Variants in ACTL8 observed in about 807,000 individuals in gnomAD.
ACTL8 encodes the protein actin-like protein 8.
In ACTL8, 3 loss-of-function variants were observed where a neutral mutation model predicts 9.3. The ratio of observed to expected loss-of-function variants is 0.32; its 90% CI spans 0.15 to 0.83. ACTL8 has a LOEUF of 0.83. Ranked by LOEUF, ACTL8 falls within the 40% of genes least tolerant of loss-of-function variation. The probability of loss-of-function intolerance (pLI) is 0.57; values close to 1 mark genes in which losing one functional copy is unlikely to be tolerated. For synonymous variants in ACTL8, 224 were observed against 205.9 expected (o/e 1.09, Z -0.75); for missense variants, 381 against 492.2 (o/e 0.77, Z 2.14).
intron 1 of ACTL8, among the ~76,000 whole-genome samples, chr1:17,810,437 C>A (rs1376657950): frequency 1.3e-5 from 2 of 152,158 alleles, no homozygotes; most frequent in African/African-American, 4.8e-5. Flanking sequence ...AAAACCACAA[C>A]ATAGTGATCA....
intron 1 of ACTL8, among the ~76,000 whole-genome samples, chr1:17,787,091 A>G (rs1197042901): frequency 6.6e-6 from 1 of 152,230 alleles, no homozygotes; most frequent in East Asian, 1.9e-4. Flanking sequence ...ACCCTCCTTC[A>G]GTGACATCCC....
At chr1:17,798,153 T>C (rs2102691096) in intron 1 of ACTL8, among the ~76,000 whole-genome samples, 1 of 152,254 alleles carries the variant, frequency 6.6e-6, no homozygotes, top group African/African-American at 2.4e-5. Flanking sequence ...GCAGAGGTCA[T>C]ATGGGTCTGC....
chr1:17,825,995 T>C lies in ACTL8; in HGVS notation c.577T>C (p.Cys193Arg). The stretch of plus-strand genomic sequence containing the variant: ...CCTCAAGAGTCTCTTTAAGGAAGAT[T>C]GCGATAGACGCTGCCTGTTTCAGCT... ...YLLKSLFKED[C>R]DRRCLFQLET... Residue 193 changes from cysteine to arginine, a missense_variant, in exon 3 of 3, where the codon TGC (cysteine) becomes CGC (arginine). Cys to Arg is a radical substitution (Grantham distance 180, BLOSUM62 -3). This residue lies in a region of ACTL8 where 243 missense variants were observed against 276.2 expected (regional missense o/e 0.88). Coordinates refer to ENST00000375406, the MANE Select transcript of ACTL8 (RefSeq NM_030812.3). The C allele has an allele frequency of 6.2e-7, 1 of 1,608,372 alleles. No individual in the cohort carries two copies. Among genetic ancestry groups the C allele is most frequent in the Non-Finnish European group, 8.5e-7 (1 of 1,179,982 alleles).
chr1:17,774,449 G>A (rs1259848584), intron 1 of ACTL8, among the ~76,000 whole-genome samples: 1 of 152,090 alleles, frequency 6.6e-6, no homozygotes, highest in African/African-American at 2.4e-5. Context: ...AGGATACTGG[G>A]GGACTGGGGG....
At chr1:17,770,169 C>T (rs1300847418) in intron 1 of ACTL8, among the ~76,000 whole-genome samples, 2 of 152,170 alleles carry the variant, frequency 1.3e-5, no homozygotes, top group Non-Finnish European at 2.9e-5. Context: ...GTGCTTATAC[C>T]TCTCTCTCCA....
At position 17,757,483 on chromosome 1, in the gene ACTL8, C is replaced by T. The variant is rs142974339; in HGVS notation, c.-25+1979C>T. On this transcript the variant is annotated intron_variant, in intron 1 of 2. Coordinates refer to ENST00000375406, the MANE Select transcript of ACTL8 (RefSeq NM_030812.3). ...GCAAGTCACTCTGAGCCCACCCCCC[C>T]CACCCCCACCCCAACTTATCAAGTG... is the stretch of plus-strand genomic sequence containing the variant. Among the ~76,000 whole-genome samples the T allele has an allele frequency of 6.4e-3, 936 of 146,238 alleles. 7 individuals carry two copies. Among genetic ancestry groups the T allele is most frequent in the African/African-American group, 0.022 (889 of 39,560 alleles).
chr1:17,812,172 A>G (rs1345115641), intron 1 of ACTL8, among the ~76,000 whole-genome samples: 1 of 152,014 alleles, frequency 6.6e-6, no homozygotes, highest in Non-Finnish European at 1.5e-5. Flanking sequence ...CTTGATTATT[A>G]TAAACTTATA....
At position 17,771,371 on chromosome 1, in the gene ACTL8, G is replaced by A. The variant is rs558069656; in HGVS notation, c.-25+15867G>A. ...GCCATATAAAAACAGGCAGTGAGCC[G>A]GATTTGGCCCGTGGGCCATAGTTTG... On this transcript the variant is annotated intron_variant, in intron 1 of 2. Transcript: ENST00000375406. 2.4e-4 allele frequency among the ~76,000 whole-genome samples: 36 copies of A among 152,202 alleles called. No individual in the cohort carries two copies. In the East Asian group the frequency reaches 3.9e-3, roughly 16 times the overall value.
chr1:17,825,584 G>A (rs1464940988), intron 2 of ACTL8, among the ~76,000 whole-genome samples, 183 bp from the exon 3 acceptor site: 1 of 152,166 alleles, frequency 6.6e-6, no homozygotes, highest in East Asian at 1.9e-4. Flanking sequence ...GGCAAACCCA[G>A]CTCCCCTTCT....
chr1:17,781,206 T>C (rs969020510), intron 1 of ACTL8, among the ~76,000 whole-genome samples: 3 of 151,514 alleles, frequency 2.0e-5, no homozygotes, highest in Admixed American at 6.6e-5. Context: ...TTCTTTCCCC[T>C]TCTTAGAAGG....
chr1:17,824,824 A>G (rs542872341), intron 2 of ACTL8, among the ~76,000 whole-genome samples: 2 of 152,250 alleles, frequency 1.3e-5, no homozygotes, highest in East Asian at 3.9e-4. Context: ...AGAGTTTTAA[A>G]TGGGGGAGTT....
At chr1:17,786,543 T>C (rs2102685794) in intron 1 of ACTL8, among the ~76,000 whole-genome samples, 1 of 152,290 alleles carries the variant, frequency 6.6e-6, no homozygotes, top group African/African-American at 2.4e-5. Context: ...CTGTTACTGT[T>C]TGTTTTTTGT....
intron 1 of ACTL8, among the ~76,000 whole-genome samples, chr1:17,822,638 C>T (rs975072362): frequency 9.2e-5 from 14 of 152,196 alleles, no homozygotes; most frequent in African/African-American, 3.4e-4. Context: ...AAGCTTCTTG[C>T]TGAGTCTGCC....
chr1:17,797,123 C>A (rs1207109664), intron 1 of ACTL8, among the ~76,000 whole-genome samples: 1 of 152,002 alleles, frequency 6.6e-6, no homozygotes, highest in Admixed American at 6.6e-5. Context: ...AGAGCTCAGA[C>A]TTCCAAACCC....
intron 1 of ACTL8, among the ~76,000 whole-genome samples, chr1:17,810,259 T>G (rs1433108454): frequency 2.6e-5 from 4 of 152,194 alleles, no homozygotes; most frequent in African/African-American, 9.7e-5. Flanking sequence ...TTCTCCAATA[T>G]CCATCATATA....
chr1:17,803,892 G>A (rs1301196801), intron 1 of ACTL8, among the ~76,000 whole-genome samples: 1 of 152,186 alleles, frequency 6.6e-6, no homozygotes, highest in Non-Finnish European at 1.5e-5. Flanking sequence ...CTTCTGGACA[G>A]TTTATTTTTC....
Position 17,812,525 on chromosome 1 carries a change from G to A in ACTL8, c.-24-10460G>A, listed in dbSNP as rs534808858. On this transcript the variant is annotated intron_variant, in intron 1 of 2. Coordinates refer to ENST00000375406, the MANE Select transcript of ACTL8 (RefSeq NM_030812.3). ...GCTCACTGCAACCTCCGCCTCCCGG[G>A]CTCAAGCAATTCTCCTGCCTCAGCC... Among the ~76,000 whole-genome samples the A allele has an allele frequency of 9.9e-5, 15 of 150,986 alleles. No individual in the cohort carries two copies. In the South Asian group the frequency reaches 2.5e-3, roughly 25 times the overall value.
At chr1:17,778,461 T>C (rs1418321465) in intron 1 of ACTL8, among the ~76,000 whole-genome samples, 1 of 151,828 alleles carries the variant, frequency 6.6e-6, no homozygotes, top group African/African-American at 2.4e-5. Context: ...CTAGAACTGA[T>C]GTCTAGTTGG....
chr1:17,765,030 T>C (rs559237445), intron 1 of ACTL8, among the ~76,000 whole-genome samples: 4 of 152,114 alleles, frequency 2.6e-5, no homozygotes, highest in African/African-American at 7.2e-5. Context: ...TGTGCAGCGG[T>C]TGGGGGCTCC....
Sources: gnomAD v4.1 joint callset for allele counts (sites outside exome capture counted in the v4.1 genomes callset) on GRCh38, gnomAD v4.1.1 for gene constraint, gnomAD v4.1.1 regional missense constraint, MANE v1.5 for transcripts, NCBI Gene and HGNC (gene_info 2026-07-23, HGNC 2026-07-21) for gene names.